FAP: variants seen among roughly 807,000 people sequenced by gnomAD.
FAP encodes the protein prolyl endopeptidase FAP.
A neutral mutation model predicts 126.5 loss-of-function variants in FAP; 110 were observed. The observed-to-expected ratio is 0.87, with a 90% CI of 0.74 to 1.02. FAP has a LOEUF of 1.02. Ranked by LOEUF, FAP falls within the 50% of genes least tolerant of loss-of-function variation. The pLI is 0.00. For synonymous variants in FAP, 334 were observed against 297.3 expected (o/e 1.12, Z -1.27); for missense variants, 919 against 909.2 (o/e 1.01, Z -0.14).
chr2:162,204,878 G>T (rs1034952595), intron 12 of FAP, among the ~76,000 whole-genome samples: 3 of 152,134 alleles, frequency 2.0e-5, no homozygotes, highest in Non-Finnish European at 4.4e-5. Flanking sequence ...TCTATAATTT[G>T]AGTTCCTATA....
At chr2:162,175,258 C>CA (rs539462786) in intron 21 of FAP, 294 of 171,830 alleles carry the variant, frequency 1.7e-3, no homozygotes, top group Middle Eastern at 4.7e-3. Flanking sequence ...TTTTCTTTTG[C>CA]AAAAAAAAAA....
chr2:162,219,942 A>G lies in FAP; in HGVS notation c.414-17T>C. On this transcript the variant is annotated splice_polypyrimidine_tract_variant and intron_variant, in intron 6 of 25. Transcript: ENST00000188790. ...ACAAATTCTCTAGAAGGAAAGAAAG[A>G]AAGAAAAACAACAAACCTTGCTGTT... 6.4e-7 allele frequency: 1 copy of G among 1,574,462 alleles called. No individual in the cohort carries two copies. The highest frequency in any genetic ancestry group is 1.1e-5 in the South Asian group (1 of 89,616).
Position 162,171,022 on chromosome 2 carries a change from T to C in FAP, c.2240A>G (p.His747Arg). 6.2e-7 allele frequency: 1 copy of C among 1,613,386 alleles called. No homozygotes were observed. Among genetic ancestry groups the C allele is most frequent in the Non-Finnish European group, 8.5e-7 (1 of 1,179,434 alleles). ...ACACTGCTTTAGGAAGTGGGTCATG[T>C]GGGTGTATAAGTGGTTCGTGGACAG... The part of the protein sequence containing the change: ...SGLSTNHLYT[H>R]MTHFLKQCFS... Residue 747 changes from histidine to arginine, a missense_variant, in exon 26 of 26, where the codon CAC (histidine) becomes CGC (arginine). Coordinates refer to ENST00000188790, the MANE Select transcript of FAP (RefSeq NM_004460.5).
intron 14 of FAP, among the ~76,000 whole-genome samples, chr2:162,200,866 T>C (rs1688470749): frequency 6.6e-6 from 1 of 152,220 alleles, no homozygotes; most frequent in African/African-American, 2.4e-5. Flanking sequence ...TGATTCATTA[T>C]GAGTCATGCA....
chr2:162,238,773 T>C (rs1690236606), intron 2 of FAP, among the ~76,000 whole-genome samples: 1 of 152,194 alleles, frequency 6.6e-6, no homozygotes, highest in African/African-American at 2.4e-5. Context: ...ATCTCACGTA[T>C]ATCTTATTTT....
At chr2:162,215,758 T>C (rs1202782833) in intron 10 of FAP, 140 bp downstream of exon 10, 1 of 603,432 alleles carries the variant, frequency 1.7e-6, no homozygotes, top group Admixed American at 3.3e-5. Context: ...TTAAGGAAAC[T>C]TATTTGTCAA....
chr2:162,193,275 G>C (rs1688121409), intron 17 of FAP, among the ~76,000 whole-genome samples: 1 of 152,124 alleles, frequency 6.6e-6, no homozygotes, highest in African/African-American at 2.4e-5. Context: ...GAAGTCCTGG[G>C]AATCCGTATT....
At chr2:162,230,420 G>T (rs1004875319) in intron 2 of FAP, among the ~76,000 whole-genome samples, 3 of 150,594 alleles carry the variant, frequency 2.0e-5, no homozygotes, top group Admixed American at 6.6e-5. Flanking sequence ...TAAGACATAG[G>T]TCTCCACCCA....
intron 2 of FAP, among the ~76,000 whole-genome samples, chr2:162,235,387 T>C (rs1487239584): frequency 1.3e-5 from 2 of 152,144 alleles, no homozygotes; most frequent in Admixed American, 6.5e-5. Context: ...CTGAGGTTAG[T>C]GGGGACTTGG....
At chr2:162,177,063 C>T (rs951846733) in intron 21 of FAP, among the ~76,000 whole-genome samples, 3 of 152,060 alleles carry the variant, frequency 2.0e-5, no homozygotes, top group East Asian at 1.9e-4. Context: ...AAAGAAAACC[C>T]GAGTTGACTT....
chr2:162,220,438 A>G (rs754821591), intron 6 of FAP, among the ~76,000 whole-genome samples: 1 of 152,258 alleles, frequency 6.6e-6, no homozygotes, highest in African/African-American at 2.4e-5. Context: ...GCTGAAGTTT[A>G]GTATGTGCTC....
At chr2:162,229,933 A>G (rs1689827234) in intron 2 of FAP, among the ~76,000 whole-genome samples, 1 of 152,262 alleles carries the variant, frequency 6.6e-6, no homozygotes, top group Non-Finnish European at 1.5e-5. Context: ...AATCCTCACC[A>G]CCACCCAAGA....
At chr2:162,238,183 C>A (rs572308242) in intron 2 of FAP, among the ~76,000 whole-genome samples, 2 of 152,168 alleles carry the variant, frequency 1.3e-5, no homozygotes, top group Non-Finnish European at 2.9e-5. Flanking sequence ...TTTTGCTGTG[C>A]AGAAGCTCTT....
chr2:162,173,780 G>A lies in FAP; in HGVS notation c.1977C>T (p.Val659=), dbSNP rs780124355. 1.3e-6 allele frequency: 2 copies of A among 1,596,120 alleles called. No individual in the cohort carries two copies. The highest frequency in any genetic ancestry group is 2.2e-5 in the South Asian group (2 of 90,582). The change falls in exon 23 of 26, where the codon GTC becomes GTT. Residue 659 remains valine, a synonymous_variant. Transcript: ENST00000188790. ...GGAGACCCATGAATCTCTCTGTGTA[G>A]ACAGACGCTATAAAATATATGAGAA... ...PVSSWEYYAS[V]YTERFMGLPT...
In FAP at chr2:162,216,096, G is replaced by A. The variant is rs543149223; in HGVS notation, c.763-95C>T. On this transcript the variant is annotated intron_variant, in intron 9 of 25. Coordinates refer to ENST00000188790, the MANE Select transcript of FAP (RefSeq NM_004460.5). ...GGAATTTAGATATATTTTTCTAAGCGAACAATCTTATGTATATCACTGTGG... is the reference window on the plus strand; with the variant it reads ...GGAATTTAGATATATTTTTCTAAGCAAACAATCTTATGTATATCACTGTGG... The A allele has an allele frequency of 1.9e-4, 163 of 867,130 alleles. No individual in the cohort carries two copies. The South Asian group carries it at 2.3e-3, about 12-fold the overall frequency. 53.7% of individuals were successfully genotyped at this position (867,130 alleles called of 1,614,324 possible). A position where few individuals can be genotyped will look rare whatever the true frequency, so the allele number is the denominator to read the frequency against.
intron 21 of FAP, among the ~76,000 whole-genome samples, chr2:162,178,314 G>A (rs903935293): frequency 2.0e-5 from 3 of 152,146 alleles, no homozygotes; most frequent in South Asian, 4.1e-4. Context: ...TCAATTGTCA[G>A]AATAATTGTG....
At position 162,189,177 on chromosome 2, in the gene FAP, G is replaced by C; in HGVS notation, c.1550-5C>G. ...GAATCATCTTGTACCATAAAGCTTT[G>C]AGGAAAAAAAAAGGAGAAAAATCTT... On this transcript the variant is annotated splice_region_variant and splice_polypyrimidine_tract_variant and intron_variant, in intron 18 of 25. Coordinates refer to ENST00000188790, the MANE Select transcript of FAP (RefSeq NM_004460.5). 3 of 1,575,532 alleles carry C rather than the reference G, an allele frequency of 1.9e-6. No individual in the cohort carries two copies. Among genetic ancestry groups the C allele is most frequent in the East Asian group, 4.6e-5 (2 of 43,730 alleles).
At chr2:162,176,386 G>A (rs1167296658) in intron 21 of FAP, 6 of 152,092 alleles carry the variant, frequency 3.9e-5, no homozygotes, top group Admixed American at 3.9e-4. Flanking sequence ...AAAAGAGGGG[G>A]CTCAGATTGT....
At chr2:162,235,202 G>T (rs905578772) in intron 2 of FAP, among the ~76,000 whole-genome samples, 1 of 76,018 alleles carries the variant, frequency 1.3e-5, no homozygotes, top group Non-Finnish European at 2.9e-5. Context: ...CTCCCCCTCC[G>T]CCATGGGCTC....
Sources: allele counts gnomAD v4.1 joint callset (sites outside exome capture counted in the v4.1 genomes callset), GRCh38; gene constraint gnomAD v4.1.1; transcripts MANE v1.5; gene names NCBI Gene and HGNC (gene_info 2026-07-23, HGNC 2026-07-21).